The following PUDP variants were observed in gnomAD, a reference collection of about 807,000 sequenced individuals.
PUDP encodes pseudouridine-5'-phosphatase.
In PUDP, 8 loss-of-function variants were observed where a neutral mutation model predicts 9.4. The ratio of observed to expected loss-of-function variants is 0.85; its 90% CI spans 0.50 to 1.53. The LOEUF (loss-of-function observed/expected upper bound fraction) is 1.53. PUDP is among the 40% of genes most tolerant of loss of function. The pLI is 0.00. For synonymous variants in PUDP, 99 were observed against 80.7 expected (o/e 1.23, Z -1.22); for missense variants, 188 against 189.7 (o/e 0.99, Z 0.05).
At chrX:7,089,919 A>G (rs942198000) in intron 2 of PUDP, among the ~76,000 whole-genome samples, 3 of 111,870 alleles carry the variant, frequency 2.7e-5, no homozygotes, top group Non-Finnish European at 5.6e-5. Context: ...TAAGAGGTAA[A>G]TTTTGTAATG....
At chrX:6,810,815 A>G (rs1333666694) in intron 3 of PUDP, among the ~76,000 whole-genome samples, 3 of 111,600 alleles carry the variant, frequency 2.7e-5, no homozygotes, top group Non-Finnish European at 5.6e-5. Flanking sequence ...TTGAGCCCAA[A>G]CTCAGACAGC....
At chrX:6,747,211 A>G (rs1045400136) in intron 3 of PUDP, among the ~76,000 whole-genome samples, 14 of 112,198 alleles carry the variant, frequency 1.2e-4, no homozygotes, top group Non-Finnish European at 3.8e-5. Context: ...GCCCAAAGGA[A>G]GATATTATGT....
intron 2 of PUDP, among the ~76,000 whole-genome samples, chrX:7,101,198 C>T (rs188288480): frequency 8.9e-6 from 1 of 112,000 alleles, no homozygotes; most frequent in Non-Finnish European, 1.9e-5. Flanking sequence ...CTACTCGCAA[C>T]TGAGCGGCTA....
intron 3 of PUDP, among the ~76,000 whole-genome samples, chrX:6,732,303 T>C (rs1924818752): frequency 9.0e-6 from 1 of 110,836 alleles, no homozygotes; most frequent in Non-Finnish European, 1.9e-5. Context: ...GTTGGCTCAC[T>C]GAGGAGGCCT....
At position 6,731,540 on chromosome X, in the gene PUDP, C is replaced by T. The variant is rs753012256; in HGVS notation, c.*248-25074G>A. On this transcript the variant is annotated intron_variant and NMD_transcript_variant, in intron 3 of 3. Coordinates refer to the PUDP transcript ENST00000655425. The stretch of plus-strand genomic sequence containing the variant: ...CTTGAAAATATGGTTCTTGGCTGTT[C>T]CTGTTCAACATTCAAAATGTATATG... 8.9e-4 allele frequency among the ~76,000 whole-genome samples: 99 copies of T among 111,722 alleles called. 1 individual carries two copies. The highest frequency in any genetic ancestry group is 3.1e-3 in the African/African-American group (94 of 30,742).
intron 1 of PUDP, 169 bp downstream of exon 1, chrX:7,147,884 C>A (rs1932905960): frequency 3.8e-6 from 1 of 260,796 alleles, no homozygotes; most frequent in Non-Finnish European, 6.7e-6. Flanking sequence ...GCGCTCCTGG[C>A]CGCCGCCCGA....
chrX:7,125,173 G>A (rs1041106869), intron 1 of PUDP, among the ~76,000 whole-genome samples: 5 of 111,521 alleles, frequency 4.5e-5, no homozygotes, highest in African/African-American at 1.6e-4. Flanking sequence ...GCACAGTATA[G>A]TCCTCACAAA....
At chrX:7,120,296 T>C (rs1239949529) in intron 1 of PUDP, among the ~76,000 whole-genome samples, 1 of 111,069 alleles carries the variant, frequency 9.0e-6, no homozygotes, top group African/African-American at 3.3e-5. Flanking sequence ...GGACTCAATA[T>C]AATCACAAGG....
chrX:6,882,218 G>C (rs1289150920), intron 3 of PUDP, among the ~76,000 whole-genome samples: 1 of 111,230 alleles, frequency 9.0e-6, no homozygotes. Flanking sequence ...ATAACAGTTG[G>C]ATGTGTTTAT....
chrX:7,031,821 C>T (rs772388280), intron 1 of PUDP, among the ~76,000 whole-genome samples: 2 of 112,034 alleles, frequency 1.8e-5, no homozygotes, highest in Non-Finnish European at 3.8e-5. Context: ...TTGACCTGAA[C>T]GTAAAATCTA....
chrX:7,084,095 G>A (rs937641648), intron 2 of PUDP, among the ~76,000 whole-genome samples: 1 of 102,393 alleles, frequency 9.8e-6, no homozygotes, highest in Non-Finnish European at 2.0e-5. Flanking sequence ...CTCAGAATCT[G>A]AGCTGTTACC....
chrX:7,143,069 G>A (rs911491171), intron 1 of PUDP, among the ~76,000 whole-genome samples: 2 of 111,357 alleles, frequency 1.8e-5, no homozygotes, highest in Admixed American at 1.9e-4. Context: ...CTGGTCAACA[G>A]TCAATATCAA....
chrX:6,761,752 C>T (rs1925230886), intron 3 of PUDP, among the ~76,000 whole-genome samples: 1 of 112,190 alleles, frequency 8.9e-6, no homozygotes, highest in East Asian at 2.8e-4. Context: ...CTCTTCATGG[C>T]TGTGGTGACG....
intron 3 of PUDP, among the ~76,000 whole-genome samples, chrX:6,815,581 G>C (rs1341970286): frequency 9.0e-6 from 1 of 111,295 alleles, no homozygotes; most frequent in Non-Finnish European, 1.9e-5. Flanking sequence ...ATCTCTGAGG[G>C]TGAGGCCTAG....
At chrX:6,769,709 C>T (rs183187232) in intron 3 of PUDP, among the ~76,000 whole-genome samples, 119 of 112,424 alleles carry the variant, frequency 1.1e-3, no homozygotes, top group Non-Finnish European at 1.9e-3. Context: ...GCTGCATCTT[C>T]CTATTGCTTA....
chrX:6,709,955 T>C (rs1262282410), intron 1 of PUDP, among the ~76,000 whole-genome samples: 2 of 110,884 alleles, frequency 1.8e-5, no homozygotes, highest in Non-Finnish European at 3.8e-5. Context: ...AAACCCTATC[T>C]CTACTAAAAA....
intron 1 of PUDP, among the ~76,000 whole-genome samples, chrX:6,981,495 T>TA (rs763416216): frequency 2.7e-5 from 3 of 110,757 alleles, no homozygotes; most frequent in Admixed American, 9.6e-5. Flanking sequence ...ATTGTTAGTA[T>TA]AAAAAAAAAT....
chrX:6,792,069 A>G (rs866345828), intron 3 of PUDP, among the ~76,000 whole-genome samples: 3 of 111,757 alleles, frequency 2.7e-5, no homozygotes, highest in Middle Eastern at 4.6e-3. Flanking sequence ...GAATGAGAAG[A>G]GTCAGCAGGC....
intron 3 of PUDP, among the ~76,000 whole-genome samples, chrX:6,833,269 G>A (rs988417711): frequency 8.0e-5 from 9 of 111,951 alleles, no homozygotes; most frequent in African/African-American, 2.9e-4. Context: ...GATGAAGAAA[G>A]GATGAATGGA....
Sources: allele counts gnomAD v4.1 joint callset (sites outside exome capture counted in the v4.1 genomes callset), GRCh38; gene constraint gnomAD v4.1.1; transcripts MANE v1.5; gene names NCBI Gene and HGNC (gene_info 2026-07-23, HGNC 2026-07-21).